Variants in CDH18 observed in about 807,000 individuals in gnomAD.
CDH18 encodes cadherin-18.
In CDH18, 31 loss-of-function variants were observed where a neutral mutation model predicts 67.9. That is an observed-to-expected ratio of 0.46 (90% CI 0.34 to 0.62). CDH18 has a LOEUF of 0.62. Among genes scored for constraint, CDH18 ranks in the 20% least tolerant of loss-of-function variants. The pLI, the probability that CDH18 is intolerant of heterozygous loss-of-function variation, is 0.01. For synonymous variants in CDH18, 362 were observed against 347.2 expected (o/e 1.04, Z -0.48); for missense variants, 890 against 975.5 (o/e 0.91, Z 1.17).
intron 1 of CDH18, among the ~76,000 whole-genome samples, chr5:20,509,135 A>G (rs1296695933): frequency 6.6e-6 from 1 of 152,192 alleles, no homozygotes; most frequent in African/African-American, 2.4e-5. Flanking sequence ...TGTCAAATAT[A>G]CAATACATTG....
chr5:19,666,148 C>T (rs1467336681), intron 5 of CDH18, among the ~76,000 whole-genome samples: 2 of 151,530 alleles, frequency 1.3e-5, no homozygotes, highest in Admixed American at 6.6e-5. Flanking sequence ...TAGCTCCCTA[C>T]AGCCTCAGCC....
intron 1 of CDH18, among the ~76,000 whole-genome samples, chr5:20,311,145 A>G (rs1736948691): frequency 2.6e-5 from 4 of 152,190 alleles, no homozygotes; most frequent in Admixed American, 2.0e-4. Context: ...GTCAGGAAAC[A>G]ACAGATGCTG....
At chr5:20,491,621 G>A (rs894453054) in intron 1 of CDH18, among the ~76,000 whole-genome samples, 1 of 152,164 alleles carries the variant, frequency 6.6e-6, no homozygotes, top group African/African-American at 2.4e-5. Context: ...AGTCCAAAGA[G>A]CATCAGCGGC....
intron 1 of CDH18, among the ~76,000 whole-genome samples, chr5:20,274,822 T>C (rs1745686539): frequency 6.6e-6 from 1 of 152,164 alleles, no homozygotes; most frequent in Admixed American, 6.6e-5. Flanking sequence ...AGAAAAAATA[T>C]TTGGATATAA....
At chr5:20,535,775 A>C (rs1313365469) in intron 1 of CDH18, among the ~76,000 whole-genome samples, 1 of 152,132 alleles carries the variant, frequency 6.6e-6, no homozygotes, top group African/African-American at 2.4e-5. Flanking sequence ...CATGCAGTAG[A>C]GAATCCAGAT....
intron 2 of CDH18, among the ~76,000 whole-genome samples, chr5:19,890,355 A>G (rs4444976): frequency 0.81 from 123,246 of 151,922 alleles, 51,487 homozygotes; most frequent in Non-Finnish European, 0.91. Context: ...CCTTAATCAC[A>G]TCTGTAAAGT....
At chr5:19,667,858 G>A (rs543827078) in intron 5 of CDH18, among the ~76,000 whole-genome samples, 1 of 151,516 alleles carries the variant, frequency 6.6e-6, no homozygotes, top group Non-Finnish European at 1.5e-5. Flanking sequence ...ATACCAAATG[G>A]CATCAAACAA....
chr5:19,500,993 C>T (rs952451655), intron 11 of CDH18, among the ~76,000 whole-genome samples: 2 of 150,998 alleles, frequency 1.3e-5, no homozygotes, highest in African/African-American at 2.4e-5. Context: ...AATTGCCAGG[C>T]GTGGTGGTGG....
chr5:19,821,587 G>A (rs1779886854), intron 3 of CDH18, among the ~76,000 whole-genome samples: 1 of 152,030 alleles, frequency 6.6e-6, no homozygotes, highest in Non-Finnish European at 1.5e-5. Flanking sequence ...AGGTAGACAA[G>A]CAAACGTAAA....
At chr5:19,554,664 C>T (rs1738071720) in intron 8 of CDH18, among the ~76,000 whole-genome samples, 1 of 151,692 alleles carries the variant, frequency 6.6e-6, no homozygotes, top group South Asian at 2.1e-4. Context: ...GGCTAAGGTA[C>T]TTATTCTAAT....
chr5:20,183,773 G>A (rs746400466), intron 2 of CDH18, among the ~76,000 whole-genome samples: 21 of 152,070 alleles, frequency 1.4e-4, no homozygotes, highest in Non-Finnish European at 1.9e-4. Flanking sequence ...CTTGTACCAA[G>A]CAGACTGTTT....
intron 2 of CDH18, among the ~76,000 whole-genome samples, chr5:19,979,157 CTT>C (rs888021527): frequency 7.9e-5 from 12 of 151,704 alleles, no homozygotes; most frequent in African/African-American, 2.9e-4. Context: ...ATTATAGTCT[CTT>C]AAGTTTAATA....
At chr5:20,270,277 T>A (rs1430326123) in intron 1 of CDH18, among the ~76,000 whole-genome samples, 3 of 152,118 alleles carry the variant, frequency 2.0e-5, no homozygotes, top group African/African-American at 7.2e-5. Flanking sequence ...AATTAGAATA[T>A]AAACAATATT....
intron 1 of CDH18, among the ~76,000 whole-genome samples, chr5:20,445,120 T>G (rs143906480): frequency 6.6e-6 from 1 of 152,340 alleles, no homozygotes; most frequent in Non-Finnish European, 1.5e-5. Flanking sequence ...TGGTGTGTCC[T>G]GCTACTCTCG....
At chr5:20,481,009 T>G (rs1194195914) in intron 1 of CDH18, among the ~76,000 whole-genome samples, 1 of 151,818 alleles carries the variant, frequency 6.6e-6, no homozygotes. Context: ...TAGCATTGGA[T>G]GTAAATGGAC....
intron 1 of CDH18, among the ~76,000 whole-genome samples, chr5:20,397,702 G>A (rs925434996): frequency 3.3e-5 from 5 of 152,040 alleles, no homozygotes; most frequent in Non-Finnish European, 5.9e-5. Flanking sequence ...AGTAAAATGG[G>A]TGAAATTAAT....
intron 9 of CDH18, among the ~76,000 whole-genome samples, chr5:19,543,098 C>T (rs920471112): frequency 4.6e-5 from 7 of 151,924 alleles, no homozygotes; most frequent in African/African-American, 1.2e-4. Context: ...ATAACCTCTT[C>T]GTACACTTTT....
rs1218216299 is a variant in CDH18 at position 19,572,342 on chromosome 5, T to A, written c.1000-510A>T. On this transcript the variant is annotated intron_variant, in intron 7 of 12. Coordinates refer to ENST00000382275, the MANE Select transcript of CDH18 (RefSeq NM_004934.5). ...CTGATGCTGGTCTTCCTGTTAAAGA[T>A]CTGTGAGAAACAGCAGAATAGAGAA... is the stretch of plus-strand genomic sequence containing the variant. Among the ~76,000 whole-genome samples the A allele has an allele frequency of 5.3e-5, 8 of 152,302 alleles. No individual in the cohort carries two copies. In the South Asian group the frequency reaches 1.2e-3, roughly 24 times the overall value.
intron 1 of CDH18, among the ~76,000 whole-genome samples, chr5:20,424,019 G>A (rs1245170076): frequency 7.2e-6 from 1 of 138,950 alleles, no homozygotes; most frequent in African/African-American, 2.8e-5. Context: ...AGTCAGTAAA[G>A]AACTTGGAAG....
Sources: gnomAD v4.1 joint callset for allele counts (sites outside exome capture counted in the v4.1 genomes callset) on GRCh38, gnomAD v4.1.1 for gene constraint, MANE v1.5 for transcripts, NCBI Gene and HGNC (gene_info 2026-07-23, HGNC 2026-07-21) for gene names.